GALNT13: variants seen among roughly 807,000 people sequenced by gnomAD.
GALNT13 encodes the protein UDP-GalNAc:polypeptide N-acetylgalactosaminyltransferase 13.
In GALNT13, 28 loss-of-function variants were observed where a neutral mutation model predicts 64.2. That is an observed-to-expected ratio of 0.44 (90% CI 0.32 to 0.60). The LOEUF is 0.60. Among genes scored for constraint, GALNT13 ranks in the 20% least tolerant of loss-of-function variants. The pLI is 0.05. For missense variants in GALNT13, 577 were observed against 669.8 expected, an observed-to-expected ratio of 0.86 and a Z score of 1.53; for synonymous variants, 214 against 224.6, an observed-to-expected ratio of 0.95 and a Z score of 0.42.
the GALNT13 span, among the ~76,000 whole-genome samples, chr2:153,535,053 A>C: frequency 2.0e-5 from 3 of 151,914 alleles, no homozygotes; most frequent in South Asian, 2.1e-4. Context: ...AGAATGGGCG[A>C]TGTTTCTCAG....
chr2:154,160,513 A>G (rs1363126868), intron 4 of GALNT13, among the ~76,000 whole-genome samples: 1 of 151,958 alleles, frequency 6.6e-6, no homozygotes, highest in African/African-American at 2.4e-5. Context: ...ACTTTTCCCT[A>G]CTCAGCCCTT....
At chr2:153,604,335 G>T in the GALNT13 span, among the ~76,000 whole-genome samples, 1 of 152,014 alleles carries the variant, frequency 6.6e-6, no homozygotes. Flanking sequence ...GGTAATCACA[G>T]GCATGTGGAA....
At chr2:153,389,494 C>T in the GALNT13 span, among the ~76,000 whole-genome samples, 2 of 152,032 alleles carry the variant, frequency 1.3e-5, no homozygotes, top group Admixed American at 6.6e-5. Context: ...AAGGTCTAGA[C>T]TCAATCTCAT....
chr2:153,345,098 G>C, the GALNT13 span, among the ~76,000 whole-genome samples: 6 of 152,056 alleles, frequency 3.9e-5, no homozygotes, highest in Non-Finnish European at 8.8e-5. Context: ...TGAATATTAC[G>C]TTTATTCTTC....
the GALNT13 span, among the ~76,000 whole-genome samples, chr2:153,553,096 A>C: frequency 6.6e-6 from 1 of 152,228 alleles, no homozygotes; most frequent in East Asian, 1.9e-4. Flanking sequence ...TGGAGTTATT[A>C]AAAAGAGTGA....
chr2:153,946,903 C>T lies in GALNT13; in HGVS notation c.142+2264C>T, dbSNP rs184994126. Among the ~76,000 whole-genome samples, 362 of 152,088 alleles carry T rather than the reference C, an allele frequency of 2.4e-3. 4 individuals carry two copies. The highest frequency in any genetic ancestry group is 7.9e-3 in the African/African-American group (328 of 41,520). ...AGAATTTTTACTTTAGGAGTTTGCA[C>T]CTTGTTTTCAAAATATTTTATTTGT... On this transcript the variant is annotated intron_variant, in intron 3 of 12. Transcript: ENST00000392825.
chr2:153,944,968 G>C (rs1263826392), intron 3 of GALNT13, among the ~76,000 whole-genome samples: 1 of 152,148 alleles, frequency 6.6e-6, no homozygotes, highest in Non-Finnish European at 1.5e-5. Context: ...GAAGCCAAAA[G>C]CCTTTAAAGA....
At chr2:153,312,476 A>G in the GALNT13 span, among the ~76,000 whole-genome samples, 3 of 152,218 alleles carry the variant, frequency 2.0e-5, no homozygotes, top group Non-Finnish European at 4.4e-5. Context: ...TGTTGGCTCA[A>G]AAAACATTTC....
At chr2:153,171,970 A>T in the GALNT13 span, 1 of 152,224 alleles carries the variant, frequency 6.6e-6, no homozygotes, top group Non-Finnish European at 1.5e-5. Flanking sequence ...CATGGTAATC[A>T]TTTGCACAGG....
chr2:153,177,211 C>G, the GALNT13 span, among the ~76,000 whole-genome samples: 6 of 152,094 alleles, frequency 3.9e-5, no homozygotes, highest in Admixed American at 3.9e-4. Flanking sequence ...TGTAGTCTTG[C>G]ATTTTGCAGG....
chr2:154,088,415 A>G (rs1406554747), intron 3 of GALNT13, among the ~76,000 whole-genome samples: 2 of 152,144 alleles, frequency 1.3e-5, no homozygotes, highest in African/African-American at 4.8e-5. Context: ...AATCATTTCT[A>G]TATACAGTTA....
chr2:153,725,696 C>T, the GALNT13 span, among the ~76,000 whole-genome samples: 3 of 151,952 alleles, frequency 2.0e-5, no homozygotes, highest in South Asian at 4.1e-4. Context: ...TTCACAGATG[C>T]TACTTTTGAG....
chr2:154,441,353 T>G (rs2105479258), intron 12 of GALNT13, among the ~76,000 whole-genome samples: 1 of 152,252 alleles, frequency 6.6e-6, no homozygotes, highest in East Asian at 1.9e-4. Flanking sequence ...CTGTGGAAAG[T>G]AAATGCGCAC....
chr2:153,956,776 G>C (rs886896975), intron 3 of GALNT13, among the ~76,000 whole-genome samples: 12 of 151,366 alleles, frequency 7.9e-5, no homozygotes, highest in Admixed American at 6.6e-4. Context: ...ACCTAGGGAG[G>C]AAGAAATCCT....
the GALNT13 span, among the ~76,000 whole-genome samples, chr2:153,379,288 A>G: frequency 2.0e-5 from 3 of 152,158 alleles, no homozygotes; most frequent in Admixed American, 2.0e-4. Flanking sequence ...CATAATAACC[A>G]AGCAAGTCTA....
chr2:154,399,927 T>A (rs944201280), intron 10 of GALNT13, among the ~76,000 whole-genome samples: 2 of 152,132 alleles, frequency 1.3e-5, no homozygotes, highest in Non-Finnish European at 2.9e-5. Context: ...CCTGATACAT[T>A]TAACAGATAA....
intron 4 of GALNT13, among the ~76,000 whole-genome samples, chr2:154,199,713 G>T (rs1002996481): frequency 6.6e-6 from 1 of 151,870 alleles, no homozygotes; most frequent in Non-Finnish European, 1.5e-5. Context: ...TTTGATTAGG[G>T]ACATAAAACT....
At chr2:153,223,195 G>GA in the GALNT13 span, among the ~76,000 whole-genome samples, 18 of 152,352 alleles carry the variant, frequency 1.2e-4, no homozygotes, top group African/African-American at 4.1e-4. Flanking sequence ...TGAGAGAACT[G>GA]AAAGGAGAAA....
chr2:153,131,822 A>G, the GALNT13 span, among the ~76,000 whole-genome samples: 1 of 152,028 alleles, frequency 6.6e-6, no homozygotes, highest in African/African-American at 2.4e-5. Context: ...TGGAAGCTCA[A>G]CAAGCATTTG....
Sources: allele counts gnomAD v4.1 joint callset (sites outside exome capture counted in the v4.1 genomes callset), GRCh38; gene constraint gnomAD v4.1.1; transcripts MANE v1.5; gene names NCBI Gene and HGNC (gene_info 2026-07-23, HGNC 2026-07-21).